The following OCLN variants were observed in gnomAD, a reference collection of about 807,000 sequenced individuals.
OCLN encodes the protein phosphatase 1, regulatory subunit 115.
A neutral mutation model predicts 47.9 loss-of-function variants in OCLN; 21 were observed. That is an observed-to-expected ratio of 0.44 (90% CI 0.31 to 0.63). OCLN has a LOEUF of 0.63. OCLN is among the 30% of genes least tolerant of loss of function. OCLN has a pLI of 0.08. For missense variants in OCLN, 360 were observed against 571.0 expected (o/e 0.63, Z 3.77); for synonymous variants, 117 against 198.4 (o/e 0.59, Z 3.45).
rs537480863 is a variant in OCLN at position 69,498,113 on chromosome 5, C to CAG, written c.-69+5216_-69+5217dup. Among the ~76,000 whole-genome samples, 671 of 151,652 alleles carry CAG rather than the reference C, an allele frequency of 4.4e-3. 6 individuals carry two copies. Among genetic ancestry groups the CAG allele is most frequent in the African/African-American group, 0.015 (636 of 41,322 alleles). On this transcript the variant is annotated intron_variant, in intron 1 of 8. Transcript: ENST00000396442. ...CGCCACTGCACTCCAGCCTGGGCGA[C>CAG]AGAGCGAGACTCCGTCTCAAAAAAA...
At chr5:69,520,825 T>A (rs1481270299) in intron 4 of OCLN, among the ~76,000 whole-genome samples, 1 of 152,134 alleles carries the variant, frequency 6.6e-6, no homozygotes, top group Non-Finnish European at 1.5e-5. Flanking sequence ...GTAAATAATG[T>A]AATGTTGTTA....
At chr5:69,500,462 G>A (rs1227072244) in intron 1 of OCLN, among the ~76,000 whole-genome samples, 2 of 150,046 alleles carry the variant, frequency 1.3e-5, no homozygotes, top group East Asian at 2.0e-4. Flanking sequence ...GTGCAATGGC[G>A]CAATACTGGC....
At chr5:69,515,887 T>A (rs1458509723) in intron 4 of OCLN, among the ~76,000 whole-genome samples, 1 of 138,546 alleles carries the variant, frequency 7.2e-6, no homozygotes, top group Admixed American at 7.1e-5. Context: ...GCTCCCCACA[T>A]CTTAGACGAT....
At chr5:69,549,340 C>CAAAAAAAAAAAAAAAAAA (rs1172698181) in intron 7 of OCLN, among the ~76,000 whole-genome samples, 1 of 51,532 alleles carries the variant, frequency 1.9e-5, no homozygotes, top group Non-Finnish European at 3.3e-5. Context: ...GACTCCATCT[C>CAAAAAAAAAAAAAAAAAA]AAAAAAAAAA....
intron 4 of OCLN, among the ~76,000 whole-genome samples, chr5:69,516,097 C>T (rs1052192936): frequency 2.6e-5 from 4 of 151,634 alleles, no homozygotes; most frequent in African/African-American, 4.8e-5. Context: ...GACGGGGTGG[C>T]GGCCGGGCAG....
intron 1 of OCLN, among the ~76,000 whole-genome samples, chr5:69,494,502 T>C (rs1768237372): frequency 6.6e-6 from 1 of 152,228 alleles, no homozygotes; most frequent in Admixed American, 6.5e-5. Flanking sequence ...AATATTTTCT[T>C]AGTGGTGCTT....
At chr5:69,502,822 C>T (rs910018834) in intron 1 of OCLN, among the ~76,000 whole-genome samples, 3 of 152,120 alleles carry the variant, frequency 2.0e-5, no homozygotes, top group Non-Finnish European at 2.9e-5. Flanking sequence ...GATCCACCTA[C>T]GGACGTAGGC....
intron 7 of OCLN, among the ~76,000 whole-genome samples, chr5:69,550,188 ATT>A (rs796132410): frequency 0.1 from 5,880 of 58,988 alleles, 86 homozygotes; most frequent in African/African-American, 0.28. Flanking sequence ...TACTTATCTA[ATT>A]TTTTTTTTTT....
chr5:69,534,016 T>C (rs1259732055), intron 4 of OCLN, among the ~76,000 whole-genome samples: 1 of 151,278 alleles, frequency 6.6e-6, no homozygotes, highest in Admixed American at 6.6e-5. Flanking sequence ...CACTTACACA[T>C]CAGAATGAAA....
At chr5:69,497,959 C>T (rs1768345592) in intron 1 of OCLN, among the ~76,000 whole-genome samples, 1 of 151,698 alleles carries the variant, frequency 6.6e-6, no homozygotes, top group Non-Finnish European at 1.5e-5. Context: ...GGTGAAACCC[C>T]GTCTCTACTA....
chr5:69,514,680 A>G (rs1278363995), intron 4 of OCLN, among the ~76,000 whole-genome samples: 6 of 152,186 alleles, frequency 3.9e-5, no homozygotes, highest in African/African-American at 1.4e-4. Context: ...GGCCTTCTGC[A>G]GTGTTTGTGT....
intron 4 of OCLN, among the ~76,000 whole-genome samples, chr5:69,533,190 T>A (rs1486401441): frequency 6.6e-6 from 1 of 151,840 alleles, no homozygotes; most frequent in Admixed American, 6.6e-5. Flanking sequence ...ATGTTTAAAT[T>A]TTTTATCCCA....
intron 4 of OCLN, among the ~76,000 whole-genome samples, chr5:69,515,713 G>A (rs1360248132): frequency 4.0e-5 from 6 of 150,250 alleles, no homozygotes; most frequent in African/African-American, 7.3e-5. Flanking sequence ...AGTGGCTGCC[G>A]GGCGGAGGGG....
intron 4 of OCLN, among the ~76,000 whole-genome samples, chr5:69,525,190 C>T (rs1224086712): frequency 6.6e-6 from 1 of 151,790 alleles, no homozygotes; most frequent in Non-Finnish European, 1.5e-5. Flanking sequence ...CTGCGAGCTC[C>T]ACCTCCCGGG....
chr5:69,494,572 CT>C lies in OCLN; in HGVS notation c.-69+1681del, dbSNP rs376033187. ...AGATATTTCCTCAAACAAAGCAACA[CT>C]TTTTTTTTGGTCGTTTTGCAATTTA... On this transcript the variant is annotated intron_variant, in intron 1 of 8. Coordinates refer to ENST00000396442, the MANE Select transcript of OCLN (RefSeq NM_001205254.2). 4.0e-5 allele frequency among the ~76,000 whole-genome samples: 6 copies of C among 151,518 alleles called. 1 individual carries two copies. The highest frequency in any genetic ancestry group is 4.2e-4 in the South Asian group (2 of 4,808).
intron 4 of OCLN, among the ~76,000 whole-genome samples, chr5:69,528,775 G>A (rs569099850): frequency 2.6e-5 from 4 of 152,126 alleles, no homozygotes; most frequent in Non-Finnish European, 4.4e-5. Flanking sequence ...GAGAATAAAC[G>A]AAGTCGGGTT....
chr5:69,515,510 A>T (rs1356225942), intron 4 of OCLN, among the ~76,000 whole-genome samples: 1,444 of 129,618 alleles, frequency 0.011, 4 homozygotes, highest in Non-Finnish European at 0.017. Flanking sequence ...CACCTCCCGG[A>T]CGGGGCGGCT....
chr5:69,509,877 G>A, intron 3 of OCLN, 58 bp downstream of exon 3: 1 of 1,235,548 alleles, frequency 8.1e-7, no homozygotes, highest in Non-Finnish European at 1.2e-6. Flanking sequence ...TTCAACTTGA[G>A]ATATGTGATA....
intron 2 of OCLN, among the ~76,000 whole-genome samples, chr5:69,506,754 G>C (rs1398723279): frequency 1.3e-5 from 2 of 152,180 alleles, no homozygotes; most frequent in Non-Finnish European, 2.9e-5. Flanking sequence ...TTGTGTTCCA[G>C]TTCTTTAACC....
Sources: allele counts gnomAD v4.1 joint callset (sites outside exome capture counted in the v4.1 genomes callset), GRCh38; gene constraint gnomAD v4.1.1; transcripts MANE v1.5; gene names NCBI Gene and HGNC (gene_info 2026-07-23, HGNC 2026-07-21).